KIF5C: variants seen among roughly 807,000 people sequenced by gnomAD.
The protein encoded by KIF5C is kinesin heavy chain isoform 5C.
A neutral mutation model predicts 125.2 loss-of-function variants in KIF5C; 18 were observed. The observed-to-expected ratio is 0.14, with a 90% CI of 0.10 to 0.21. KIF5C has a LOEUF of 0.21. Ranked by LOEUF, KIF5C falls within the 10% of genes least tolerant of loss-of-function variation. KIF5C has a pLI of 1.00. For missense variants in KIF5C, 780 were observed against 1,183.8 expected (o/e 0.66, Z 5.01); for synonymous variants, 405 against 434.0 (o/e 0.93, Z 0.83).
At chr2:148,970,693 G>A (rs1680876465) in intron 11 of KIF5C, among the ~76,000 whole-genome samples, 1 of 152,212 alleles carries the variant, frequency 6.6e-6, no homozygotes, top group Non-Finnish European at 1.5e-5. Context: ...GAAGAGGGCA[G>A]CTTTAGGGGA....
chr2:148,903,927 T>G (rs1681000367), intron 1 of KIF5C, among the ~76,000 whole-genome samples: 1 of 152,138 alleles, frequency 6.6e-6, no homozygotes, highest in Non-Finnish European at 1.5e-5. Context: ...TGGTTTAGAT[T>G]CCTCTGAGCC....
chr2:149,007,848 A>G (rs1682056691), intron 22 of KIF5C, 115 bp from the exon 23 acceptor site: 1 of 1,193,896 alleles, frequency 8.4e-7, no homozygotes, highest in Non-Finnish European at 1.1e-6. Flanking sequence ...CTCTATTTTC[A>G]CTTTCAGAAT....
At chr2:149,004,288 T>A (rs1030543594) in intron 21 of KIF5C, among the ~76,000 whole-genome samples, 9 of 152,260 alleles carry the variant, frequency 5.9e-5, no homozygotes, top group Non-Finnish European at 1.2e-4. Context: ...TCCTTTTAGA[T>A]GTGAGCGTGT....
intron 12 of KIF5C, among the ~76,000 whole-genome samples, chr2:148,975,654 G>A (rs1217533408): frequency 6.6e-6 from 1 of 152,182 alleles, no homozygotes; most frequent in Non-Finnish European, 1.5e-5. Flanking sequence ...GTTCCTCCGT[G>A]CTGCCCCGCC....
At position 149,025,189 on chromosome 2, in the gene KIF5C, T is replaced by C. The variant is rs994241185; in HGVS notation, c.*2119T>C. ...GGAAACATTCGCTTGTAGTTCCATTTTACTTGATCTCTACAAGGGACTGAC... is the reference window on the plus strand; with the variant it reads ...GGAAACATTCGCTTGTAGTTCCATTCTACTTGATCTCTACAAGGGACTGAC... On this transcript the variant is annotated 3_prime_UTR_variant, in exon 26 of 26. Transcript: ENST00000435030. The C allele has an allele frequency of 3.3e-5, 5 of 152,686 alleles. No homozygotes were observed. Among genetic ancestry groups the C allele is most frequent in the African/African-American group, 9.6e-5 (4 of 41,472 alleles). The allele number at this position is 152,686 out of a possible 1,614,324, so 9.5% of individuals were successfully genotyped here. A position where few individuals can be genotyped will look rare whatever the true frequency, so the allele number is the denominator to read the frequency against.
In KIF5C at chr2:149,000,473, A is replaced by G. The variant is rs775265928; in HGVS notation, c.2261A>G (p.Asn754Ser). 2.5e-6 allele frequency: 4 copies of G among 1,584,560 alleles called. No individual in the cohort carries two copies. Among genetic ancestry groups the G allele is most frequent in the Admixed American group, 3.5e-5 (2 of 57,886 alleles). Residue 754 changes from asparagine to serine, a missense_variant, in exon 20 of 26, where the codon AAC becomes AGC. Around this residue, in one of 2 missense-constraint regions of KIF5C, gnomAD observed 573 missense variants for 742.6 expected, o/e 0.77. Coordinates refer to ENST00000435030, the MANE Select transcript of KIF5C (RefSeq NM_004522.3). ...LEQEKLSSDY[N>S]KLKIEDQERE... ...CAGGAGAAGCTTAGTTCTGATTATA[A>G]CAAGCTGAAAATAGAGGACCAAGAG... is the stretch of plus-strand genomic sequence containing the variant.
At chr2:148,879,112 C>T (rs1188442443) in intron 1 of KIF5C, 18 of 152,270 alleles carry the variant, frequency 1.2e-4, no homozygotes, top group African/African-American at 3.6e-4. Flanking sequence ...CACAGTCTTT[C>T]CCCACTTTGA....
At chr2:148,918,545 T>G (rs1383009208) in intron 1 of KIF5C, among the ~76,000 whole-genome samples, 1 of 152,246 alleles carries the variant, frequency 6.6e-6, no homozygotes, top group East Asian at 1.9e-4. Context: ...AAATTTGAAT[T>G]GAGTTCTAAA....
At position 149,019,957 on chromosome 2, in the gene KIF5C, A is replaced by G. The variant is rs573420298; in HGVS notation, c.*8-3121A>G. On this transcript the variant is annotated intron_variant, in intron 25 of 25. Transcript: ENST00000435030. ...TTTGAATTACCATCTCCAGTTTGGC[A>G]GAGTGCCAGGGGAAGTCCTAGAGCA... Among the ~76,000 whole-genome samples the G allele has an allele frequency of 2.6e-4, 40 of 152,314 alleles. 1 individual carries two copies. The highest frequency in any genetic ancestry group is 1.7e-3 in the Admixed American group (26 of 15,306).
intron 10 of KIF5C, among the ~76,000 whole-genome samples, 180 bp from the exon 11 acceptor site, chr2:148,961,791 T>G (rs1285166262): frequency 6.6e-6 from 1 of 152,172 alleles, no homozygotes; most frequent in African/African-American, 2.4e-5. Flanking sequence ...AGGATGAGCT[T>G]GAGGCCTCAA....
chr2:148,990,438 T>C (rs1681494943), intron 15 of KIF5C, among the ~76,000 whole-genome samples: 1 of 152,222 alleles, frequency 6.6e-6, no homozygotes, highest in Non-Finnish European at 1.5e-5. Context: ...AGAAGCCCTT[T>C]GGTAATTCAT....
intron 1 of KIF5C, among the ~76,000 whole-genome samples, chr2:148,903,194 C>T (rs1433421033): frequency 6.6e-6 from 1 of 152,178 alleles, no homozygotes; most frequent in East Asian, 1.9e-4. Flanking sequence ...GTGCTATTTA[C>T]TAAGTGTATG....
At chr2:148,990,917 G>T in intron 15 of KIF5C, 93 bp from the exon 16 acceptor site, 1 of 1,462,866 alleles carries the variant, frequency 6.8e-7, no homozygotes, top group Non-Finnish European at 9.1e-7. Context: ...GAAATCCATG[G>T]ACACCTTGGG....
At chr2:148,972,177 T>G (rs1324168525) in intron 11 of KIF5C, among the ~76,000 whole-genome samples, 1 of 152,182 alleles carries the variant, frequency 6.6e-6, no homozygotes, top group Non-Finnish European at 1.5e-5. Context: ...GGTCTCGAAT[T>G]CCTGGCCTCA....
At chr2:148,905,213 A>G (rs1019333703) in intron 1 of KIF5C, among the ~76,000 whole-genome samples, 9 of 152,244 alleles carry the variant, frequency 5.9e-5, no homozygotes, top group African/African-American at 2.2e-4. Flanking sequence ...AATTAAAGGT[A>G]GAGTGGATGG....
At chr2:148,892,769 A>T (rs1681744161) in intron 1 of KIF5C, among the ~76,000 whole-genome samples, 1 of 152,174 alleles carries the variant, frequency 6.6e-6, no homozygotes, top group Non-Finnish European at 1.5e-5. Context: ...TTTAATCTCT[A>T]TTCTTCTCTG....
intron 18 of KIF5C, 30 bp downstream of exon 18, chr2:148,997,370 C>T: frequency 2.5e-6 from 4 of 1,613,668 alleles, no homozygotes; most frequent in Non-Finnish European, 2.5e-6. Context: ...CCATCAAGCC[C>T]AGTGTGCATT....
intron 1 of KIF5C, chr2:148,884,132 G>C (rs1324788681): frequency 6.6e-6 from 1 of 152,190 alleles, no homozygotes; most frequent in Non-Finnish European, 1.5e-5. Flanking sequence ...CCGGAACATG[G>C]CAATGCCTTC....
At chr2:148,985,301 A>G (rs73009539) in intron 15 of KIF5C, among the ~76,000 whole-genome samples, 1,827 of 152,326 alleles carry the variant, frequency 0.012, 36 homozygotes, top group African/African-American at 0.041. Context: ...TTTAAAACAA[A>G]ACAAAAAGCT....
Sources: allele counts gnomAD v4.1 joint callset (sites outside exome capture counted in the v4.1 genomes callset), GRCh38; gene constraint gnomAD v4.1.1; regional missense constraint gnomAD v4.1.1; transcripts MANE v1.5; gene names NCBI Gene and HGNC (gene_info 2026-07-23, HGNC 2026-07-21).